DOCK3: variants seen among roughly 807,000 people sequenced by gnomAD.
DOCK3 encodes dedicator of cytokinesis 3, also known as dedicator of cytokinesis protein 3.
A neutral mutation model predicts 265.6 loss-of-function variants in DOCK3; 60 were observed. That is an observed-to-expected ratio of 0.23 (90% CI 0.18 to 0.28). DOCK3 has a LOEUF of 0.28. Among genes scored for constraint, DOCK3 ranks in the 10% least tolerant of loss-of-function variants. The probability of loss-of-function intolerance (pLI) is 1.00; values close to 1 mark genes in which losing one functional copy is unlikely to be tolerated. For missense variants in DOCK3, 1,981 were observed against 2,594.3 expected, an observed-to-expected ratio of 0.76 and a Z score of 5.14; for synonymous variants, 881 against 938.0, an observed-to-expected ratio of 0.94 and a Z score of 1.11.
intron 5 of DOCK3, among the ~76,000 whole-genome samples, chr3:50,987,593 C>T (rs781445435): frequency 1.2e-4 from 19 of 152,082 alleles, no homozygotes; most frequent in Non-Finnish European, 2.6e-4. Flanking sequence ...ACGTGGCTCT[C>T]ACAGAAAGGA....
At chr3:50,819,027 TA>T (rs1214505696) in intron 2 of DOCK3, among the ~76,000 whole-genome samples, 7 of 119,954 alleles carry the variant, frequency 5.8e-5, no homozygotes, top group Admixed American at 3.1e-4. Context: ...ATTTGTTTTT[TA>T]AAAAAATGCT....
At chr3:51,215,766 A>G (rs1478903279) in intron 14 of DOCK3, among the ~76,000 whole-genome samples, 1 of 152,204 alleles carries the variant, frequency 6.6e-6, no homozygotes, top group African/African-American at 2.4e-5. Context: ...TCTTCTACTC[A>G]TACACACAGG....
At chr3:51,102,576 G>A (rs937525158) in intron 9 of DOCK3, among the ~76,000 whole-genome samples, 4 of 152,168 alleles carry the variant, frequency 2.6e-5, no homozygotes, top group African/African-American at 9.7e-5. Context: ...GCTGTCCATG[G>A]AGTAAGCTGT....
At chr3:50,813,669 T>C (rs1947607) in intron 2 of DOCK3, among the ~76,000 whole-genome samples, 14,361 of 152,234 alleles carry the variant, frequency 0.094, 838 homozygotes, top group Non-Finnish European at 0.12. Flanking sequence ...CATCATGAAG[T>C]TGAAAAATTT....
chr3:51,046,807 C>T (rs1575872461), intron 5 of DOCK3, among the ~76,000 whole-genome samples: 1 of 151,970 alleles, frequency 6.6e-6, no homozygotes, highest in African/African-American at 2.4e-5. Flanking sequence ...GGATAGATCA[C>T]GTACTAGATC....
chr3:51,024,326 C>T (rs950666319), intron 5 of DOCK3, among the ~76,000 whole-genome samples: 2 of 152,014 alleles, frequency 1.3e-5, no homozygotes, highest in Admixed American at 1.3e-4. Context: ...AATTTTTTCC[C>T]CAGTATTTTA....
At chr3:50,906,747 C>T (rs1233597544) in intron 4 of DOCK3, among the ~76,000 whole-genome samples, 4 of 151,958 alleles carry the variant, frequency 2.6e-5, no homozygotes, top group Non-Finnish European at 4.4e-5. Flanking sequence ...TTTTGTATCT[C>T]TATCTCCTTC....
intron 6 of DOCK3, 107 bp downstream of exon 6, chr3:51,064,703 G>A: frequency 7.3e-7 from 1 of 1,367,482 alleles, no homozygotes; most frequent in Non-Finnish European, 9.9e-7. Context: ...CAAAGGCAAT[G>A]TTATATTCTT....
chr3:51,002,196 G>A (rs185140264), intron 5 of DOCK3, among the ~76,000 whole-genome samples: 4 of 151,836 alleles, frequency 2.6e-5, no homozygotes, highest in Admixed American at 2.0e-4. Context: ...TGATCCTCCC[G>A]CCTTGGCTTC....
intron 1 of DOCK3, among the ~76,000 whole-genome samples, chr3:50,709,096 C>G (rs994196335): frequency 1.3e-5 from 2 of 152,214 alleles, no homozygotes; most frequent in African/African-American, 4.8e-5. Flanking sequence ...GCTAAGACTT[C>G]TAATCCTGAA....
intron 2 of DOCK3, among the ~76,000 whole-genome samples, chr3:50,795,618 G>T (rs748227293): frequency 3.3e-5 from 5 of 152,128 alleles, no homozygotes; most frequent in Admixed American, 1.3e-4. Context: ...TTGACTTCGT[G>T]ATCTGCCTGC....
At chr3:51,081,895 CAAAAAA>C (rs56305507) in intron 7 of DOCK3, among the ~76,000 whole-genome samples, 9 of 117,630 alleles carry the variant, frequency 7.7e-5, no homozygotes, top group Non-Finnish European at 1.4e-4. Context: ...GACTCTGTCT[CAAAAAA>C]AAAAAAAAAA....
Position 51,360,539 on chromosome 3 carries a change from C to G in DOCK3, c.4913C>G (p.Pro1638Arg). 2.5e-6 allele frequency: 4 copies of G among 1,612,648 alleles called. No individual in the cohort carries two copies. Among genetic ancestry groups the G allele is most frequent in the Non-Finnish European group, 3.4e-6 (4 of 1,179,334 alleles). Reference sequence around the variant, plus strand: ...TTTCCAGGTTTGGATAAGCTAAGTCCTGCATGTTCAGGCACCAGCACCCCA... The same window carrying G: ...TTTCCAGGTTTGGATAAGCTAAGTCGTGCATGTTCAGGCACCAGCACCCCA... ...HEFPGLDKLS[P>R]ACSGTSTPRG... The change falls in exon 47 of 53, where the codon CCT (proline) becomes CGT (arginine). Residue 1638 changes from proline (P) to arginine (R), a missense_variant. By Grantham distance (103) the Pro-to-Arg change is moderately radical. Coordinates refer to ENST00000266037, the MANE Select transcript of DOCK3 (RefSeq NM_004947.5).
intron 5 of DOCK3, among the ~76,000 whole-genome samples, chr3:50,984,514 A>G (rs1048906513): frequency 2.6e-5 from 4 of 151,980 alleles, no homozygotes; most frequent in African/African-American, 9.7e-5. Flanking sequence ...TTTGGCTGGC[A>G]TTTTTTTCTT....
chr3:51,245,891 A>G (rs1204947752), intron 21 of DOCK3, among the ~76,000 whole-genome samples: 1 of 152,080 alleles, frequency 6.6e-6, no homozygotes. Flanking sequence ...CCATATTTTC[A>G]TTGAAAAGAA....
chr3:51,310,426 A>G (rs918752302), intron 28 of DOCK3, 100 bp downstream of exon 28: 3 of 1,088,790 alleles, frequency 2.8e-6, no homozygotes, highest in African/African-American at 3.1e-5. Context: ...AGACAAATAA[A>G]GGCCAGGGCC....
intron 9 of DOCK3, among the ~76,000 whole-genome samples, chr3:51,100,091 A>T (rs923150067): frequency 1.3e-5 from 2 of 152,210 alleles, no homozygotes; most frequent in Non-Finnish European, 2.9e-5. Flanking sequence ...ATGACAGACG[A>T]TGGTGGCTTG....
At chr3:50,936,234 T>A (rs1277127424) in intron 5 of DOCK3, among the ~76,000 whole-genome samples, 1 of 151,632 alleles carries the variant, frequency 6.6e-6, no homozygotes, top group African/African-American at 2.4e-5. Flanking sequence ...TGAAGATAGC[T>A]CACTAGAAAT....
At chr3:51,311,924 G>A (rs920024870) in intron 28 of DOCK3, 80 bp from the exon 29 acceptor site, 1 of 1,062,822 alleles carries the variant, frequency 9.4e-7, no homozygotes, top group Non-Finnish European at 1.4e-6. Flanking sequence ...TTGCACACAG[G>A]CTATAGACAG....
Sources: gnomAD v4.1 joint callset for allele counts (sites outside exome capture counted in the v4.1 genomes callset) on GRCh38, gnomAD v4.1.1 for gene constraint, MANE v1.5 for transcripts, NCBI Gene and HGNC (gene_info 2026-07-23, HGNC 2026-07-21) for gene names.